The following PTK2 variants were observed in gnomAD, a reference collection of about 807,000 sequenced individuals.
PTK2 encodes focal adhesion kinase 1.
A neutral mutation model predicts 150.1 loss-of-function variants in PTK2; 45 were observed. The ratio of observed to expected loss-of-function variants is 0.30; its 90% confidence interval spans 0.24 to 0.38. The LOEUF (loss-of-function observed/expected upper bound fraction) is 0.38. Among genes scored for constraint, PTK2 ranks in the 10% least tolerant of loss-of-function variants. The probability of loss-of-function intolerance (pLI) is 1.00; values close to 1 mark genes in which losing one functional copy is unlikely to be tolerated. For synonymous variants in PTK2, 432 were observed against 449.2 expected (o/e 0.96, Z 0.48); for missense variants, 919 against 1,307.3 (o/e 0.70, Z 4.58).
chr8:140,979,269 A>G (rs1255608363), intron 1 of PTK2, among the ~76,000 whole-genome samples: 1 of 150,294 alleles, frequency 6.7e-6, no homozygotes, highest in Non-Finnish European at 1.5e-5. Flanking sequence ...AAAAAAAAGA[A>G]AAAAAAAAAG....
chr8:140,932,241 G>C (rs139777365), intron 1 of PTK2, among the ~76,000 whole-genome samples: 30 of 151,904 alleles, frequency 2.0e-4, no homozygotes, highest in African/African-American at 7.0e-4. Flanking sequence ...CTTTTTTTGA[G>C]ATAAAGTCTG....
chr8:140,839,758 T>C (rs537207137), intron 7 of PTK2, among the ~76,000 whole-genome samples: 14 of 152,210 alleles, frequency 9.2e-5, no homozygotes, highest in African/African-American at 3.4e-4. Flanking sequence ...CAGAAATATA[T>C]CTGTTGATTA....
chr8:140,988,472 G>A lies in PTK2; in HGVS notation c.-122+12653C>T, dbSNP rs148728620. Among the ~76,000 whole-genome samples, 624 of 152,288 alleles carry A rather than the reference G, an allele frequency of 4.1e-3. 3 individuals carry two copies. The highest frequency in any genetic ancestry group is 0.014 in the African/African-American group (583 of 41,562). ...TGGCTGGGCATGGTGGCTCATGCCT[G>A]TAATCCCAGCACTTTGGGAGGCCAA... On this transcript the variant is annotated intron_variant, in intron 1 of 31. Transcript: ENST00000522684.
chr8:140,748,769 C>T (rs923937426), intron 17 of PTK2, among the ~76,000 whole-genome samples: 3 of 152,056 alleles, frequency 2.0e-5, no homozygotes, highest in Non-Finnish European at 4.4e-5. Flanking sequence ...AGTATCAGGG[C>T]TAAGAAGGTT....
intron 14 of PTK2, among the ~76,000 whole-genome samples, chr8:140,779,057 T>C (rs1413355073): frequency 1.3e-5 from 2 of 151,654 alleles, no homozygotes; most frequent in Non-Finnish European, 2.9e-5. Context: ...GGTCAGGAGT[T>C]TGAGACCAGC....
intron 22 of PTK2, among the ~76,000 whole-genome samples, chr8:140,731,382 T>A (rs2100049251): frequency 6.6e-6 from 1 of 152,156 alleles, no homozygotes; most frequent in Non-Finnish European, 1.5e-5. Context: ...AGTATTCCTA[T>A]TGAGGAATTT....
chr8:140,983,155 G>T (rs1186624949), intron 1 of PTK2, among the ~76,000 whole-genome samples: 1 of 152,114 alleles, frequency 6.6e-6, no homozygotes, highest in Non-Finnish European at 1.5e-5. Context: ...GGGAGGCCAA[G>T]GCAGGCGGAT....
Position 140,758,461 on chromosome 8 carries a change from G to A in PTK2, c.1332+2704C>T, listed in dbSNP as rs75301872. Among the ~76,000 whole-genome samples, 622 of 152,188 alleles carry A rather than the reference G, an allele frequency of 4.1e-3. 3 individuals carry two copies. Among genetic ancestry groups the A allele is most frequent in the Non-Finnish European group, 7.0e-3 (477 of 68,008 alleles). On this transcript the variant is annotated intron_variant, in intron 16 of 31. Coordinates refer to ENST00000522684, the Ensembl canonical transcript of PTK2. ...AAAACAGCCTCAAGCAGGGCCTTTC[G>A]CAGGTATCCAGAAGGAGGCATTGTT...
intron 16 of PTK2, among the ~76,000 whole-genome samples, chr8:140,754,698 CA>C (rs1335030499): frequency 6.6e-6 from 1 of 152,130 alleles, no homozygotes; most frequent in Non-Finnish European, 1.5e-5. Flanking sequence ...CCATAGCTGG[CA>C]AATATACAAA....
chr8:140,930,606 T>C (rs565469709), intron 1 of PTK2, among the ~76,000 whole-genome samples: 2 of 152,344 alleles, frequency 1.3e-5, no homozygotes, highest in South Asian at 4.1e-4. Flanking sequence ...TTTGAAACAT[T>C]TTCTAATTTC....
At chr8:140,981,526 C>T (rs2100191421) in intron 1 of PTK2, among the ~76,000 whole-genome samples, 1 of 152,196 alleles carries the variant, frequency 6.6e-6, no homozygotes, top group Non-Finnish European at 1.5e-5. Context: ...TCACCCTCTA[C>T]ACGAGAACAG....
At chr8:140,779,761 C>A (rs1031775846) in intron 14 of PTK2, among the ~76,000 whole-genome samples, 1 of 152,120 alleles carries the variant, frequency 6.6e-6, no homozygotes, top group Non-Finnish European at 1.5e-5. Context: ...TGAGATTAGT[C>A]CAACTGGATC....
At chr8:140,751,529 T>C (rs143059698) in intron 17 of PTK2, among the ~76,000 whole-genome samples, 2 of 151,992 alleles carry the variant, frequency 1.3e-5, no homozygotes, top group African/African-American at 2.4e-5. Context: ...GATTGCTCTA[T>C]TGCCCAGGCT....
intron 8 of PTK2, among the ~76,000 whole-genome samples, 154 bp from the exon 9 acceptor site, chr8:140,819,174 T>G (rs532741475): frequency 6.6e-6 from 1 of 152,346 alleles, no homozygotes; most frequent in African/African-American, 2.4e-5. Context: ...TATAAATGTA[T>G]TTATCAAAGC....
intron 10 of PTK2, among the ~76,000 whole-genome samples, chr8:140,817,493 C>A (rs573055288): frequency 6.6e-6 from 1 of 152,136 alleles, no homozygotes; most frequent in Non-Finnish European, 1.5e-5. Context: ...TGAGAAGAAG[C>A]CCCTAGAATC....
At chr8:140,784,547 G>A (rs1337344311) in intron 14 of PTK2, among the ~76,000 whole-genome samples, 2 of 152,020 alleles carry the variant, frequency 1.3e-5, no homozygotes, top group Non-Finnish European at 2.9e-5. Flanking sequence ...GATTTCTAGG[G>A]TAATTTTAAC....
At chr8:140,908,138 A>G (rs1227849414) in intron 2 of PTK2, among the ~76,000 whole-genome samples, 1 of 152,222 alleles carries the variant, frequency 6.6e-6, no homozygotes, top group Non-Finnish European at 1.5e-5. Context: ...CACACAAATG[A>G]TAAGAAAGCA....
At chr8:140,914,872 A>AG (rs2100164584) in intron 2 of PTK2, among the ~76,000 whole-genome samples, 3 of 152,064 alleles carry the variant, frequency 2.0e-5, no homozygotes, top group Admixed American at 6.5e-5. Flanking sequence ...TATCTCTACT[A>AG]AAAACACAAA....
chr8:140,728,709 C>A (rs920516322), intron 22 of PTK2, among the ~76,000 whole-genome samples: 3 of 152,018 alleles, frequency 2.0e-5, no homozygotes, highest in African/African-American at 7.3e-5. Flanking sequence ...TTAGTAGAGG[C>A]GGGGTTTTAC....
Sources: gnomAD v4.1 joint callset for allele counts (sites outside exome capture counted in the v4.1 genomes callset) on GRCh38, gnomAD v4.1.1 for gene constraint, MANE v1.5 for transcripts, NCBI Gene and HGNC (gene_info 2026-07-23, HGNC 2026-07-21) for gene names.